The following FBXO3 variants were observed in gnomAD, a reference collection of about 807,000 sequenced individuals.
FBXO3 encodes the protein F-box protein 3.
In FBXO3, 17 loss-of-function variants were observed where a neutral mutation model predicts 64.8. That is an observed-to-expected ratio of 0.26 (90% CI 0.18 to 0.39). FBXO3 has a LOEUF of 0.39. FBXO3 is among the 10% of genes least tolerant of loss of function. The pLI, the probability that FBXO3 is intolerant of heterozygous loss-of-function variation, is 1.00. For synonymous variants in FBXO3, 182 were observed against 201.6 expected (o/e 0.90, Z 0.82); for missense variants, 420 against 589.9 (o/e 0.71, Z 2.98).
chr11:33,770,705 C>T, intron 2 of FBXO3, 36 bp downstream of exon 2: 1 of 1,527,600 alleles, frequency 6.5e-7, no homozygotes, highest in Non-Finnish European at 9.1e-7. Context: ...AAGCCAAGGG[C>T]CAGTTTTCAG....
At chr11:33,750,733 T>A in intron 7 of FBXO3, 72 bp from the exon 8 acceptor site, 1 of 1,402,028 alleles carries the variant, frequency 7.1e-7, no homozygotes. Context: ...AAATAGGTTA[T>A]ACTTTAGGAC....
chr11:33,747,665 T>A (rs1854850144), intron 9 of FBXO3, among the ~76,000 whole-genome samples: 1 of 152,006 alleles, frequency 6.6e-6, no homozygotes, highest in African/African-American at 2.4e-5. Flanking sequence ...GCACCTGCCA[T>A]GATGCCCAGC....
chr11:33,770,699 C>A, intron 2 of FBXO3, 42 bp downstream of exon 2: 1 of 1,494,826 alleles, frequency 6.7e-7, no homozygotes, highest in South Asian at 1.2e-5. Flanking sequence ...TGGAAGAAGC[C>A]AAGGGCCAGT....
rs4755999 is a variant in FBXO3, at chr11:33,773,947, C to T, written c.104+447G>A. 1,552 of 157,780 alleles carry T rather than the reference C, an allele frequency of 9.8e-3. 14 individuals are homozygous for T. The highest frequency in any genetic ancestry group is 0.017 in the Admixed American group (265 of 15,642). The allele number at this position is 157,780 out of a possible 1,614,324, so 9.8% of individuals were successfully genotyped here. The stretch of plus-strand genomic sequence containing the variant: ...CCTATCTTCTCCTCTCGCTCACCCA[C>T]CTGCCCACCCCGGCGCCAGACTCCG... On this transcript the variant is annotated intron_variant, in intron 1 of 10. Coordinates refer to ENST00000265651, the MANE Select transcript of FBXO3 (RefSeq NM_012175.4).
intron 7 of FBXO3, 112 bp from the exon 8 acceptor site, chr11:33,750,773 A>G: frequency 7.1e-6 from 7 of 985,218 alleles, no homozygotes; most frequent in Non-Finnish European, 1.0e-5. Flanking sequence ...TCAGACCCAG[A>G]AAAGTTCAAT....
Position 33,741,757 on chromosome 11 carries a change from T to C in FBXO3, c.*151A>G, listed in dbSNP as rs1854691269. ...AAGCAAACCCAAACAATCCAATTCC[T>C]AATGTAGTGTCACATAGAACCCAGG... On this transcript the variant is annotated 3_prime_UTR_variant, in exon 11 of 11. Coordinates refer to ENST00000265651, the MANE Select transcript of FBXO3 (RefSeq NM_012175.4). 1.5e-6 allele frequency: 1 copy of C among 655,112 alleles called. No individual in the cohort carries two copies. Among genetic ancestry groups the C allele is most frequent in the Non-Finnish European group, 2.3e-6 (1 of 442,948 alleles). 40.6% of individuals were successfully genotyped at this position (655,112 alleles called of 1,614,324 possible).
At chr11:33,742,236 G>A (rs1854705241) in intron 10 of FBXO3, 152 bp from the exon 11 acceptor site, 3 of 560,240 alleles carry the variant, frequency 5.4e-6, no homozygotes, top group Non-Finnish European at 8.7e-6. Context: ...CAACACACAT[G>A]CTGATGCAAG....
intron 1 of FBXO3, 49 bp downstream of exon 1, chr11:33,774,345 G>A (rs933347811): frequency 2.8e-6 from 3 of 1,082,914 alleles, no homozygotes; most frequent in Admixed American, 5.0e-5. Flanking sequence ...CTGCCTCACC[G>A]CCTCCTCTCC....
chr11:33,742,670 A>T (rs1223666683), intron 10 of FBXO3: 1 of 152,188 alleles, frequency 6.6e-6, no homozygotes, highest in Non-Finnish European at 1.5e-5. Context: ...ATCAAGTATG[A>T]CCTCTACTGG....
intron 3 of FBXO3, 163 bp downstream of exon 3, chr11:33,768,688 C>G: frequency 1.3e-6 from 1 of 758,860 alleles, no homozygotes; most frequent in East Asian, 2.5e-5. Context: ...AGGGTAAGCA[C>G]TAGAGTGAAG....
At chr11:33,773,999 C>T (rs17767323) in intron 1 of FBXO3, 24,559 of 172,866 alleles carry the variant, frequency 0.14, 2,350 homozygotes, top group Non-Finnish European at 0.2. Context: ...CAGAGAAGAG[C>T]GCCTGGCCGG....
At chr11:33,748,226 T>C (rs951969867) in intron 9 of FBXO3, among the ~76,000 whole-genome samples, 1 of 152,170 alleles carries the variant, frequency 6.6e-6, no homozygotes, top group Non-Finnish European at 1.5e-5. Flanking sequence ...TAAGTAAACA[T>C]GTAGATCTAT....
Position 33,755,958 on chromosome 11 carries a change from G to A in FBXO3, c.491C>T (p.Ala164Val), listed in dbSNP as rs1855086655. The stretch of plus-strand genomic sequence containing the variant: ...TTCAGAACGATAGTGATTAGACAGT[G>A]CCATGCTTCCCAATAACCTGAGGAG... ...LVVPGLLGSM[A>V]LSNHYRSEDL... Residue 164 changes from alanine (A) to valine (V), a missense_variant, in exon 5 of 11, where the codon GCA becomes GTA. Ala to Val is a moderately conservative substitution (Grantham distance 64, BLOSUM62 0). Coordinates refer to ENST00000265651, the MANE Select transcript of FBXO3 (RefSeq NM_012175.4). 6.2e-7 allele frequency: 1 copy of A among 1,613,896 alleles called. No individual in the cohort carries two copies. Among genetic ancestry groups the A allele is most frequent in the Non-Finnish European group, 8.5e-7 (1 of 1,179,976 alleles).
intron 3 of FBXO3, among the ~76,000 whole-genome samples, chr11:33,762,481 A>G (rs1855266782): frequency 6.6e-6 from 1 of 152,204 alleles, no homozygotes; most frequent in East Asian, 1.9e-4. Context: ...TATAAATTAT[A>G]TTTAAAAGAT....
In FBXO3 at chr11:33,742,065, T is replaced by A. The variant is rs780731800; in HGVS notation, c.1259A>T (p.Tyr420Phe). Residue 420 changes from tyrosine to phenylalanine, a missense_variant, in exon 11 of 11, where the codon TAT becomes TTT. Coordinates refer to ENST00000265651, the MANE Select transcript of FBXO3 (RefSeq NM_012175.4). ...CTCCTCCTCTTCTTCCATCTCTTCA[T>A]ATTCATCAGGACCCATTTCCTTGAA... ...IARLEMGPDE[Y>F]EEMEEEEEEE... 6.2e-7 allele frequency: 1 copy of A among 1,602,482 alleles called. No individual in the cohort carries two copies.
chr11:33,761,661 A>G (rs1855246363), intron 3 of FBXO3, among the ~76,000 whole-genome samples: 1 of 152,224 alleles, frequency 6.6e-6, no homozygotes, highest in African/African-American at 2.4e-5. Context: ...AGGAGTCTAG[A>G]TATGACTCAA....
At position 33,760,537 on chromosome 11, in the gene FBXO3, C is replaced by T. The variant is rs142705451; in HGVS notation, c.359-1936G>A. ...TGTCGCACCTGTAGTCCCAGCTACT[C>T]GGGAGACTGAGCTGGAAGGATTGTT... On this transcript the variant is annotated intron_variant, in intron 3 of 10. Coordinates refer to ENST00000265651, the MANE Select transcript of FBXO3 (RefSeq NM_012175.4). Among the ~76,000 whole-genome samples, 9 of 151,784 alleles carry T rather than the reference C, an allele frequency of 5.9e-5. No individual in the cohort carries two copies. In the East Asian group the frequency reaches 1.2e-3, roughly 20 times the overall value.
At chr11:33,762,985 C>G (rs1311266199) in intron 3 of FBXO3, among the ~76,000 whole-genome samples, 1 of 152,118 alleles carries the variant, frequency 6.6e-6, no homozygotes, top group Non-Finnish European at 1.5e-5. Context: ...TTATGAAAAA[C>G]TTCATGTCAA....
intron 3 of FBXO3, among the ~76,000 whole-genome samples, chr11:33,762,820 G>T (rs1333676344): frequency 6.6e-6 from 1 of 151,036 alleles, no homozygotes; most frequent in Non-Finnish European, 1.5e-5. Context: ...ATTGGCAAAG[G>T]CAAAAGCCAG....
Sources: allele counts gnomAD v4.1 joint callset (sites outside exome capture counted in the v4.1 genomes callset), GRCh38; gene constraint gnomAD v4.1.1; transcripts MANE v1.5; gene names NCBI Gene and HGNC (gene_info 2026-07-23, HGNC 2026-07-21).